The following SMPD4 variants were observed in gnomAD, a reference collection of about 807,000 sequenced individuals.
SMPD4 encodes the protein neutral sphingomyelinase 3.
SMPD4 carries 58 observed loss-of-function variants against 97.8 expected under a neutral mutation model. The ratio of observed to expected loss-of-function variants is 0.59; its 90% CI spans 0.48 to 0.74. The LOEUF (loss-of-function observed/expected upper bound fraction) is 0.74, where lower values mean the gene tolerates loss of function less well. Among genes scored for constraint, SMPD4 ranks in the 30% least tolerant of loss-of-function variants. SMPD4 has a pLI of 0.00. For synonymous variants in SMPD4, 388 were observed against 450.0 expected (o/e 0.86, Z 1.74); for missense variants, 853 against 1,080.5 (o/e 0.79, Z 2.95).
Position 130,157,925 on chromosome 2 carries a change from A to C in SMPD4, c.952-529T>G, listed in dbSNP as rs532305830. 1.0e-4 allele frequency: 21 copies of C among 203,230 alleles called. No individual in the cohort carries two copies. The South Asian group carries it at 1.6e-3, about 16-fold the overall frequency. The allele number at this position is 203,230 out of a possible 1,614,324, so 12.6% of individuals were successfully genotyped here. A position where few individuals can be genotyped will look rare whatever the true frequency, so the allele number is the denominator to read the frequency against. ...GGAGGCCAAGGTGGAAAGATCGCTA[A>C]GAAGAAGTTCGAGATTAGCCTAGAC... On this transcript the variant is annotated intron_variant, in intron 11 of 19. Coordinates refer to ENST00000680298, the MANE Select transcript of SMPD4 (RefSeq NM_017951.5).
chr2:130,166,292 G>A (rs1573701947), intron 9 of SMPD4, among the ~76,000 whole-genome samples: 1 of 119,926 alleles, frequency 8.3e-6, no homozygotes, highest in East Asian at 2.6e-4. Context: ...CTGGACAACA[G>A]AGGGAGACTC....
intron 11 of SMPD4, chr2:130,158,155 G>A (rs1421892612): frequency 8.0e-7 from 1 of 1,244,630 alleles, no homozygotes. Flanking sequence ...GAACCCCATG[G>A]CTTCACTTTC....
chr2:130,158,345 T>C, intron 11 of SMPD4: 1 of 831,538 alleles, frequency 1.2e-6, no homozygotes, highest in South Asian at 1.7e-5. Context: ...TGAGACAACG[T>C]CTCCCTCTGT....
intron 3 of SMPD4, 22 bp from the exon 4 acceptor site, chr2:130,173,678 C>T: frequency 6.2e-7 from 1 of 1,613,510 alleles, no homozygotes; most frequent in Non-Finnish European, 8.5e-7. Context: ...TGTGGTGAAG[C>T]CGCGTGCAGG....
chr2:130,164,773 A>G (rs1193252041), intron 9 of SMPD4, among the ~76,000 whole-genome samples: 1 of 152,140 alleles, frequency 6.6e-6, no homozygotes, highest in African/African-American at 2.4e-5. Context: ...CTTCATCAAA[A>G]TCAACACTCT....
Position 130,156,619 on chromosome 2 carries a change from A to G in SMPD4, c.1154T>C (p.Phe385Ser). ...CGATGCGTCCAGGGGCCAGTGGCCA[A>G]AGCAATGCTGCAAGAAGAGGTAGAG... ...QKLYLFLQHC[F>S]GHWPLDASFR... The change falls in exon 13 of 20, where the codon TTT becomes TCT. Residue 385 changes from phenylalanine (F) to serine (S), a missense_variant. Phe to Ser is a radical substitution (Grantham distance 155). Around this residue, in one of 3 missense-constraint regions of SMPD4, gnomAD observed 511 missense variants for 608.1 expected, o/e 0.84. Coordinates refer to ENST00000680298, the MANE Select transcript of SMPD4 (RefSeq NM_017951.5). 6.2e-7 allele frequency: 1 copy of G among 1,613,958 alleles called. No individual in the cohort carries two copies. The highest frequency in any genetic ancestry group is 1.1e-5 in the South Asian group (1 of 91,030).
At chr2:130,156,195 G>A in intron 13 of SMPD4, 60 bp from the exon 14 acceptor site, 4 of 1,474,288 alleles carry the variant, frequency 2.7e-6, no homozygotes, top group East Asian at 4.6e-5. Flanking sequence ...CGGTGGCCTG[G>A]AGCCCAGATA....
intron 3 of SMPD4, 107 bp downstream of exon 3, chr2:130,174,807 C>T: frequency 2.6e-6 from 2 of 754,964 alleles, no homozygotes; most frequent in Non-Finnish European, 4.6e-6. Context: ...GCCTCTGTGC[C>T]AGGCAGTGCT....
intron 11 of SMPD4, among the ~76,000 whole-genome samples, chr2:130,158,746 A>G (rs1687093415): frequency 2.0e-5 from 3 of 151,902 alleles, no homozygotes; most frequent in Non-Finnish European, 4.4e-5. Flanking sequence ...TGAGGGCAGG[A>G]CCCTGAGTCT....
rs1689034505 is a variant in SMPD4 at position 130,176,981 on chromosome 2, C to T, written c.-45-344G>A. On this transcript the variant is annotated intron_variant, in intron 1 of 19. Coordinates refer to ENST00000680298, the MANE Select transcript of SMPD4 (RefSeq NM_017951.5). ...TTGGGGTTACAGGTGTGAGCCACTGCACCTGGCCCTAACAAAATATTACAT... is the reference window on the plus strand; with the variant it reads ...TTGGGGTTACAGGTGTGAGCCACTGTACCTGGCCCTAACAAAATATTACAT... Among the ~76,000 whole-genome samples, 3 of 152,334 alleles carry T rather than the reference C, an allele frequency of 2.0e-5. No homozygotes were observed. In the South Asian group the frequency reaches 6.2e-4, roughly 32 times the overall value.
chr2:130,178,450 G>T (rs921879351), intron 1 of SMPD4, among the ~76,000 whole-genome samples: 1 of 152,150 alleles, frequency 6.6e-6, no homozygotes, highest in East Asian at 1.9e-4. Context: ...GCAATGAACG[G>T]AGGGGAAGAG....
intron 9 of SMPD4, among the ~76,000 whole-genome samples, chr2:130,167,186 T>A (rs1688017849): frequency 6.6e-6 from 1 of 151,836 alleles, no homozygotes; most frequent in African/African-American, 2.4e-5. Context: ...AATGGCACGA[T>A]CTCAGCTTAC....
In SMPD4 at chr2:130,172,863, G is replaced by T; in HGVS notation, c.378C>A (p.Ile126=). ...GPVKASIQEC[I]LPDSPLYHNK... is the part of the protein sequence containing the mutation. ...TGTGGTACAGAGGACTGTCAGGGAG[G>T]ATGCACTCCTGGATGGACGCCTTCA... Residue 126 remains isoleucine, a synonymous_variant, in exon 6 of 20, where the codon ATC becomes ATA. Transcript: ENST00000680298. 2 of 1,613,808 alleles carry T rather than the reference G, an allele frequency of 1.2e-6. No homozygotes were observed. Among genetic ancestry groups the T allele is most frequent in the Non-Finnish European group, 1.7e-6 (2 of 1,179,838 alleles).
intron 9 of SMPD4, among the ~76,000 whole-genome samples, chr2:130,165,541 A>G (rs1380610832): frequency 6.6e-6 from 1 of 152,256 alleles, no homozygotes; most frequent in East Asian, 1.9e-4. Flanking sequence ...AAAAGCAAGG[A>G]AATTCTGACA....
rs746314229 is a variant in SMPD4 at position 130,153,108 on chromosome 2, G to A, written c.2089C>T (p.Arg697Trp). ...YQGDPELQPI[R>W]SYEIASLVRT... ...ACCAAGCTGGCGATCTCATAGCTCC[G>A]GATGGGCTGCAGCTCCGGGTCCCCC... The change falls in exon 19 of 20, where the codon CGG (arginine) becomes TGG (tryptophan). Residue 697 changes from arginine (R) to tryptophan (W), a missense_variant. Physicochemically the swap from Arg to Trp is moderately radical, Grantham distance 101 (BLOSUM62 -3). Transcript: ENST00000680298. 24 of 1,613,682 alleles carry A rather than the reference G, an allele frequency of 1.5e-5. No individual in the cohort carries two copies. The highest frequency in any genetic ancestry group is 6.7e-5 in the East Asian group (3 of 44,884).
At chr2:130,176,710 C>CTTGTTT in intron 1 of SMPD4, 73 bp from the exon 2 acceptor site, 1 of 1,295,536 alleles carries the variant, frequency 7.7e-7, no homozygotes, top group African/African-American at 1.5e-5. Flanking sequence ...TTTTTAGAGA[C>CTTGTTT]AGGGTCTTGT....
rs1428284894 is a variant in SMPD4, at chr2:130,172,448, A to G, written c.560T>C (p.Leu187Pro). 5.0e-6 allele frequency: 8 copies of G among 1,612,516 alleles called. No homozygotes were observed. The highest frequency in any genetic ancestry group is 1.3e-5 in the African/African-American group (1 of 75,040). The stretch of plus-strand genomic sequence containing the variant: ...GAACCATGACAGGTACCTGTCCACC[A>G]GGATGAAATAGGCACAGTCTGAAGT... ...VRTSDCAYFI[L>P]VDRYLSWFLP... Residue 187 changes from leucine to proline, a missense_variant, in exon 8 of 20, where the codon CTG becomes CCG. This residue lies in a region of SMPD4 where 313 missense variants were observed against 402.2 expected (regional missense o/e 0.78). Transcript: ENST00000680298.
Position 130,167,348 on chromosome 2 carries a change from T to C in SMPD4, c.792+110A>G, listed in dbSNP as rs1002553290. Reference sequence around the variant, plus strand: ...GCTGGCCAGGTTGGTCCCAAACTCCTGACCTCAGGTCATCTGCCCACCTAG... The same window carrying C: ...GCTGGCCAGGTTGGTCCCAAACTCCCGACCTCAGGTCATCTGCCCACCTAG... On this transcript the variant is annotated intron_variant, in intron 9 of 19. Transcript: ENST00000680298. The C allele has an allele frequency of 8.8e-5, 131 of 1,494,722 alleles. 1 individual carries two copies. In the Admixed American group the frequency reaches 2.4e-3, roughly 28 times the overall value. 92.6% of individuals were successfully genotyped at this position (1,494,722 alleles called of 1,614,324 possible). A position where few individuals can be genotyped will look rare whatever the true frequency, so the allele number is the denominator to read the frequency against.
chr2:130,174,132 C>T (rs1170609267), intron 3 of SMPD4, among the ~76,000 whole-genome samples: 1 of 152,176 alleles, frequency 6.6e-6, no homozygotes, highest in Non-Finnish European at 1.5e-5. Context: ...GCAATCCCCC[C>T]ACCTCAGCTT....
Sources: gnomAD v4.1 joint callset for allele counts (sites outside exome capture counted in the v4.1 genomes callset) on GRCh38, gnomAD v4.1.1 for gene constraint, gnomAD v4.1.1 regional missense constraint, MANE v1.5 for transcripts, NCBI Gene and HGNC (gene_info 2026-07-23, HGNC 2026-07-21) for gene names.